GOLGA7: variants seen among roughly 807,000 people sequenced by gnomAD.
The protein encoded by GOLGA7 is golgin A7.
Under a neutral mutation model 21.1 loss-of-function variants are expected in GOLGA7, and 10 were observed. The observed-to-expected ratio is 0.47, with a 90% CI of 0.29 to 0.80. The LOEUF is 0.80. GOLGA7 is among the 30% of genes least tolerant of loss of function. The pLI is 0.08. For missense variants in GOLGA7, 114 were observed against 166.8 expected (o/e 0.68, Z 1.74); for synonymous variants, 64 against 62.6 (o/e 1.02, Z -0.10).
At chr8:41,505,049 T>G (rs17598654) in intron 2 of GOLGA7, among the ~76,000 whole-genome samples, 12,920 of 152,284 alleles carry the variant, frequency 0.085, 690 homozygotes, top group Non-Finnish European at 0.12. Context: ...TTATGATGAC[T>G]TCGAGCCTGA....
chr8:41,490,579 G>C, upstream of GOLGA7: 1 of 451,204 alleles, frequency 2.2e-6, no homozygotes, highest in Non-Finnish European at 4.0e-6. Flanking sequence ...AAGTGACGGC[G>C]AAGGCGGTGC....
At chr8:41,491,047 G>C (rs1805871132) in intron 1 of GOLGA7, 82 bp downstream of exon 1, 1 of 813,986 alleles carries the variant, frequency 1.2e-6, no homozygotes, top group South Asian at 1.5e-5. Flanking sequence ...CGACAACCGG[G>C]CCTTTGAGGG....
At chr8:41,506,195 C>G (rs1439566568) in intron 3 of GOLGA7, among the ~76,000 whole-genome samples, 183 bp downstream of exon 3, 1 of 151,978 alleles carries the variant, frequency 6.6e-6, no homozygotes, top group Non-Finnish European at 1.5e-5. Flanking sequence ...CATGTCCCTC[C>G]TTCCATTGCA....
chr8:41,500,645 G>T (rs1806127094), intron 2 of GOLGA7, among the ~76,000 whole-genome samples: 2 of 152,194 alleles, frequency 1.3e-5, no homozygotes, highest in South Asian at 4.1e-4. Context: ...GTCCACGCTG[G>T]TCTCGAACTC....
At chr8:41,495,525 TC>T (rs1265862770) in intron 1 of GOLGA7, among the ~76,000 whole-genome samples, 1 of 149,972 alleles carries the variant, frequency 6.7e-6, no homozygotes, top group Non-Finnish European at 1.5e-5. Context: ...GCTCAAGTGA[TC>T]CACCCAGCTC....
chr8:41,492,160 G>A (rs1187348252), intron 1 of GOLGA7, among the ~76,000 whole-genome samples: 1 of 152,192 alleles, frequency 6.6e-6, no homozygotes, highest in African/African-American at 2.4e-5. Flanking sequence ...TTTAAAAGAT[G>A]GTGAGGTGAC....
chr8:41,504,145 AAC>A (rs1806225478), intron 2 of GOLGA7, among the ~76,000 whole-genome samples: 1 of 148,794 alleles, frequency 6.7e-6, no homozygotes, highest in Non-Finnish European at 1.5e-5. Flanking sequence ...AACAAAACAA[AAC>A]AAAAAAAAAA....
At chr8:41,508,623 G>A (rs1352153813) in intron 4 of GOLGA7, among the ~76,000 whole-genome samples, 1 of 152,192 alleles carries the variant, frequency 6.6e-6, no homozygotes. Context: ...TGCAGCTATT[G>A]TGTAATCATG....
intron 1 of GOLGA7, among the ~76,000 whole-genome samples, chr8:41,493,238 G>A (rs1271231402): frequency 6.6e-6 from 1 of 152,178 alleles, no homozygotes; most frequent in Non-Finnish European, 1.5e-5. Flanking sequence ...TTGCTTTGAT[G>A]AAAAATTGAA....
At chr8:41,508,028 A>G (rs925740245) in intron 4 of GOLGA7, among the ~76,000 whole-genome samples, 2 of 152,216 alleles carry the variant, frequency 1.3e-5, no homozygotes, top group Admixed American at 6.5e-5. Context: ...AGAACCCTAC[A>G]AAGTATTTCC....
At chr8:41,494,122 G>GAC (rs1805950689) in intron 1 of GOLGA7, among the ~76,000 whole-genome samples, 1 of 151,282 alleles carries the variant, frequency 6.6e-6, no homozygotes, top group African/African-American at 2.4e-5. Flanking sequence ...TTGTTTAACT[G>GAC]ACGTATGATT....
intron 2 of GOLGA7, among the ~76,000 whole-genome samples, chr8:41,500,145 T>A (rs1276808951): frequency 6.6e-6 from 1 of 152,208 alleles, no homozygotes; most frequent in Non-Finnish European, 1.5e-5. Flanking sequence ...GTTGCTGACC[T>A]TGTGGAGTTT....
Position 41,496,804 on chromosome 8 carries a change from C to CTTTTT in GOLGA7, c.112-688_112-684dup, listed in dbSNP as rs34657481. The stretch of plus-strand genomic sequence containing the variant: ...ATGATAGTACCCTGTCAGTTTATTG[C>CTTTTT]TTTTTTTTTTTTTTTTTTTTTGAGA... On this transcript the variant is annotated intron_variant, in intron 1 of 4. Coordinates refer to ENST00000357743, the MANE Select transcript of GOLGA7 (RefSeq NM_001002296.2). Among the ~76,000 whole-genome samples, 131 of 91,642 alleles carry CTTTTT rather than the reference C, an allele frequency of 1.4e-3. 1 individual carries two copies. Among genetic ancestry groups the CTTTTT allele is most frequent in the East Asian group, 1.9e-3 (5 of 2,676 alleles). 60.1% of individuals were successfully genotyped at this position (91,642 alleles called of 152,430 possible).
intron 1 of GOLGA7, among the ~76,000 whole-genome samples, chr8:41,495,202 CAAAAAAA>C (rs1200554916): frequency 5.0e-5 from 2 of 39,620 alleles, no homozygotes; most frequent in South Asian, 1.4e-3. Context: ...GACTCTGTCT[CAAAAAAA>C]AAAAAAAAAA....
At chr8:41,497,904 A>G (rs2150441051) in intron 2 of GOLGA7, among the ~76,000 whole-genome samples, 1 of 152,332 alleles carries the variant, frequency 6.6e-6, no homozygotes, top group Non-Finnish European at 1.5e-5. Flanking sequence ...AGAAGAATGT[A>G]GAAAATCTAT....
intron 2 of GOLGA7, 66 bp downstream of exon 2, chr8:41,497,727 T>C: frequency 1.3e-6 from 1 of 790,106 alleles, no homozygotes; most frequent in Admixed American, 2.1e-5. Context: ...TATTACACAT[T>C]GATGCTTACA....
chr8:41,490,972 A>C lies in GOLGA7; in HGVS notation c.111+7A>C. Reference sequence around the variant, plus strand: ...TGCGGAGCTGGAGAACCGGGTACGCAACCTGGCTCCCCACGCCTGCTCTGG... The same window carrying C: ...TGCGGAGCTGGAGAACCGGGTACGCCACCTGGCTCCCCACGCCTGCTCTGG... On this transcript the variant is annotated splice_region_variant and intron_variant, in intron 1 of 4. Transcript: ENST00000357743. 1 of 1,477,302 alleles carries C rather than the reference A, an allele frequency of 6.8e-7. No homozygotes were observed. Among genetic ancestry groups the C allele is most frequent in the East Asian group, 2.4e-5 (1 of 41,964 alleles). 91.5% of individuals were successfully genotyped at this position (1,477,302 alleles called of 1,614,324 possible). A position where few individuals can be genotyped will look rare whatever the true frequency, so the allele number is the denominator to read the frequency against.
chr8:41,509,210 G>C (rs915978276), intron 4 of GOLGA7, among the ~76,000 whole-genome samples: 1 of 152,174 alleles, frequency 6.6e-6, no homozygotes, highest in Non-Finnish European at 1.5e-5. Context: ...TATTCTAAAT[G>C]CTTAATTTTA....
At chr8:41,495,278 GT>G (rs892255943) in intron 1 of GOLGA7, among the ~76,000 whole-genome samples, 1 of 148,832 alleles carries the variant, frequency 6.7e-6, no homozygotes, top group African/African-American at 2.5e-5. Flanking sequence ...TATGTTGAGG[GT>G]TTTTTTTCTT....
Sources: allele counts gnomAD v4.1 joint callset (sites outside exome capture counted in the v4.1 genomes callset), GRCh38; gene constraint gnomAD v4.1.1; transcripts MANE v1.5; gene names NCBI Gene and HGNC (gene_info 2026-07-23, HGNC 2026-07-21).